Variants in PHC3 observed in about 807,000 individuals in gnomAD.
PHC3 encodes polyhomeotic-like protein 3.
In PHC3, 13 loss-of-function variants were observed where a neutral mutation model predicts 107.4. That is an observed-to-expected ratio of 0.12 (90% CI 0.08 to 0.19). PHC3 has a LOEUF of 0.19. PHC3 is among the 10% of genes least tolerant of loss of function. PHC3 has a pLI of 1.00. For missense variants in PHC3, 992 were observed against 1,210.9 expected (o/e 0.82, Z 2.68); for synonymous variants, 456 against 427.4 (o/e 1.07, Z -0.83).
intron 4 of PHC3, among the ~76,000 whole-genome samples, chr3:170,164,117 G>C (rs1451221688): frequency 1.3e-5 from 2 of 151,752 alleles, no homozygotes; most frequent in Admixed American, 6.6e-5. Flanking sequence ...CAGGAGAATT[G>C]CTTGAGAATT....
chr3:170,180,987 A>G (rs1285506766), intron 1 of PHC3, among the ~76,000 whole-genome samples: 1 of 152,222 alleles, frequency 6.6e-6, no homozygotes, highest in Non-Finnish European at 1.5e-5. Flanking sequence ...TCTGGTGCAC[A>G]AGAGGCCTAC....
At chr3:170,106,581 A>G (rs746228788) in intron 12 of PHC3, among the ~76,000 whole-genome samples, 20 of 152,330 alleles carry the variant, frequency 1.3e-4, no homozygotes, top group Non-Finnish European at 2.4e-4. Context: ...ATATTAGATT[A>G]TACTGTACAA....
chr3:170,114,430 T>A (rs914928583), intron 10 of PHC3, among the ~76,000 whole-genome samples: 1 of 152,244 alleles, frequency 6.6e-6, no homozygotes, highest in Non-Finnish European at 1.5e-5. Context: ...GTAGGGTTAA[T>A]GATCAAGACA....
intron 4 of PHC3, 80 bp downstream of exon 4, chr3:170,171,293 T>C (rs1165206015): frequency 2.0e-6 from 2 of 988,934 alleles, no homozygotes; most frequent in Non-Finnish European, 3.0e-6. Flanking sequence ...AATAACAGCT[T>C]CATAAATAAC....
At chr3:170,162,555 C>T (rs182524686) in intron 4 of PHC3, among the ~76,000 whole-genome samples, 78 of 152,296 alleles carry the variant, frequency 5.1e-4, no homozygotes, top group Non-Finnish European at 9.4e-4. Context: ...AATTTACAAT[C>T]TAGCTAACTA....
At chr3:170,172,863 C>T (rs1213112702) in intron 2 of PHC3, among the ~76,000 whole-genome samples, 151 bp from the exon 3 acceptor site, 1 of 152,144 alleles carries the variant, frequency 6.6e-6, no homozygotes, top group Non-Finnish European at 1.5e-5. Context: ...TTCCTAGTTA[C>T]ATATCACTAG....
chr3:170,166,519 A>G (rs370153844), intron 4 of PHC3, among the ~76,000 whole-genome samples: 220 of 152,204 alleles, frequency 1.4e-3, no homozygotes, highest in South Asian at 0.012. Flanking sequence ...ATTAACTATC[A>G]TTTTTTTAAC....
chr3:170,146,535 CTTTTT>C (rs373420736), intron 5 of PHC3, among the ~76,000 whole-genome samples: 1 of 123,508 alleles, frequency 8.1e-6, no homozygotes, highest in Admixed American at 8.8e-5. Context: ...TTTTCTTTTT[CTTTTT>C]TTTTTTTTTT....
chr3:170,157,787 G>A (rs1727121741), intron 4 of PHC3, among the ~76,000 whole-genome samples: 1 of 151,924 alleles, frequency 6.6e-6, no homozygotes, highest in Admixed American at 6.6e-5. Flanking sequence ...ACAGTTTTAA[G>A]GTTCTTGATC....
At chr3:170,098,221 T>C (rs901333992) in intron 14 of PHC3, among the ~76,000 whole-genome samples, 40 of 152,048 alleles carry the variant, frequency 2.6e-4, no homozygotes, top group Non-Finnish European at 4.3e-4. Flanking sequence ...AACTTACCCA[T>C]TAAGGGTAAA....
At chr3:170,115,350 A>G (rs1718698686) in intron 10 of PHC3, among the ~76,000 whole-genome samples, 1 of 152,134 alleles carries the variant, frequency 6.6e-6, no homozygotes, top group Non-Finnish European at 1.5e-5. Context: ...AATCTTGATT[A>G]TATGTATGTA....
At chr3:170,123,068 A>G (rs1008170072) in intron 8 of PHC3, among the ~76,000 whole-genome samples, 1 of 152,196 alleles carries the variant, frequency 6.6e-6, no homozygotes, top group Non-Finnish European at 1.5e-5. Flanking sequence ...TTGGGAATTC[A>G]ACTGTTTTTG....
At chr3:170,161,695 T>C (rs1412433215) in intron 4 of PHC3, among the ~76,000 whole-genome samples, 1 of 152,210 alleles carries the variant, frequency 6.6e-6, no homozygotes, top group Admixed American at 6.5e-5. Context: ...GAAATTTATT[T>C]TGCACACTTT....
At chr3:170,107,371 T>C (rs1716750949) in intron 11 of PHC3, among the ~76,000 whole-genome samples, 1 of 152,204 alleles carries the variant, frequency 6.6e-6, no homozygotes, top group South Asian at 2.1e-4. Flanking sequence ...CTCTTAATTC[T>C]AACTGGAGAG....
chr3:170,175,595 C>T (rs2108773933), intron 2 of PHC3, among the ~76,000 whole-genome samples: 1 of 150,146 alleles, frequency 6.7e-6, no homozygotes, highest in Middle Eastern at 3.5e-3. Flanking sequence ...CCACTGGACT[C>T]CAGCCTAGGC....
At position 170,094,436 on chromosome 3, in the gene PHC3, C is replaced by G. The variant is rs1300772225; in HGVS notation, c.*2794G>C. ...ACTTAGGTAGCAAAAGTAGGAAGAA[C>G]CTCCATGTTCCCTTTCTGTTTGTCA... On this transcript the variant is annotated 3_prime_UTR_variant, in exon 15 of 15. Transcript: ENST00000495893. The G allele has an allele frequency of 6.6e-6, 1 of 152,136 alleles. No homozygotes were observed. The highest frequency in any genetic ancestry group is 1.5e-5 in the Non-Finnish European group (1 of 68,034). 9.4% of individuals were successfully genotyped at this position (152,136 alleles called of 1,614,324 possible).
rs944487822 is a variant in PHC3, at chr3:170,087,982, A to C, written c.*9248T>G. 15 of 152,190 alleles carry C rather than the reference A, an allele frequency of 9.9e-5. No homozygotes were observed. Among genetic ancestry groups the C allele is most frequent in the Admixed American group, 9.8e-4 (15 of 15,278 alleles). 9.4% of individuals were successfully genotyped at this position (152,190 alleles called of 1,614,324 possible). ...TTTTACATAGATCAAATGTGCTCTT[A>C]CAATGCAAAATTAACCTTCATTTTC... On this transcript the variant is annotated 3_prime_UTR_variant, in exon 15 of 15. Coordinates refer to ENST00000495893, the MANE Select transcript of PHC3 (RefSeq NM_024947.4).
Position 170,089,310 on chromosome 3 carries a change from C to A in PHC3, c.*7920G>T, listed in dbSNP as rs1204200624. ...AGGAATTACAATGTGATTCACAGAT[C>A]CCAGAATGACAAGGAAGGGACCTTA... On this transcript the variant is annotated 3_prime_UTR_variant, in exon 15 of 15. Transcript: ENST00000495893. 6.6e-6 allele frequency: 1 copy of A among 152,112 alleles called. No individual in the cohort carries two copies. The highest frequency in any genetic ancestry group is 6.5e-5 in the Admixed American group (1 of 15,272). The allele number at this position is 152,112 out of a possible 1,614,324, so 9.4% of individuals were successfully genotyped here.
intron 14 of PHC3, among the ~76,000 whole-genome samples, chr3:170,099,368 T>C (rs1715096861): frequency 6.6e-6 from 1 of 152,074 alleles, no homozygotes; most frequent in Non-Finnish European, 1.5e-5. Flanking sequence ...GTTACATCAG[T>C]ATAGAAATTT....
Sources: gnomAD v4.1 joint callset for allele counts (sites outside exome capture counted in the v4.1 genomes callset) on GRCh38, gnomAD v4.1.1 for gene constraint, MANE v1.5 for transcripts, NCBI Gene and HGNC (gene_info 2026-07-23, HGNC 2026-07-21) for gene names.